The following PTPRN2 variants were observed in gnomAD, a reference collection of about 807,000 sequenced individuals.
The protein encoded by PTPRN2 is receptor-type tyrosine-protein phosphatase N2.
A neutral mutation model predicts 118.8 loss-of-function variants in PTPRN2; 74 were observed. The ratio of observed to expected loss-of-function variants is 0.62; its 90% CI spans 0.52 to 0.76. PTPRN2 has a LOEUF of 0.76. Among genes scored for constraint, PTPRN2 ranks in the 30% least tolerant of loss-of-function variants. PTPRN2 has a pLI of 0.00. For synonymous variants in PTPRN2, 641 were observed against 608.0 expected (o/e 1.05, Z -0.80); for missense variants, 1,481 against 1,394.4 (o/e 1.06, Z -0.99).
At chr7:157,803,297 G>A (rs369821861) in intron 12 of PTPRN2, among the ~76,000 whole-genome samples, 6 of 152,090 alleles carry the variant, frequency 3.9e-5, no homozygotes, top group South Asian at 2.1e-4. Context: ...CTCCTTATCC[G>A]TTATGTGGTA....
chr7:158,395,389 GAGGGGCC>G (rs202093733), intron 2 of PTPRN2, among the ~76,000 whole-genome samples: 4 of 68,788 alleles, frequency 5.8e-5, no homozygotes, highest in Non-Finnish European at 1.1e-4. Context: ...CGCGAGGGGC[GAGGGGCC>G]AGGGGCGAGG....
intron 2 of PTPRN2, among the ~76,000 whole-genome samples, chr7:158,342,879 A>T (rs1482387085): frequency 6.6e-5 from 10 of 151,986 alleles, no homozygotes; most frequent in Non-Finnish European, 1.5e-5. Context: ...TTGAGCCAAG[A>T]TCCAGGAAAT....
chr7:157,625,732 C>A (rs1192245215), intron 14 of PTPRN2, among the ~76,000 whole-genome samples: 1 of 152,030 alleles, frequency 6.6e-6, no homozygotes, highest in African/African-American at 2.4e-5. Flanking sequence ...GGAAAAAAAT[C>A]ATAAAAAAGT....
rs73744893 is a variant in PTPRN2 at position 157,785,009 on chromosome 7, G to A, written c.1789-102072C>T. ...TCTGTCCAGGCGGCTGAGGTCACGC[G>A]GTCTCTTCAGTTTCCATTTTTCCAC... is the stretch of plus-strand genomic sequence containing the variant. On this transcript the variant is annotated intron_variant, in intron 12 of 22. Coordinates refer to ENST00000389418, the MANE Select transcript of PTPRN2 (RefSeq NM_002847.5). This position sits in a 1 kb window ranked among gnomAD's most constrained non-coding sequence, Gnocchi z 7.3. Among the ~76,000 whole-genome samples, 2,757 of 152,226 alleles carry A rather than the reference G, an allele frequency of 0.018. 83 individuals carry two copies. Among genetic ancestry groups the A allele is most frequent in the African/African-American group, 0.062 (2,565 of 41,520 alleles).
At chr7:158,281,029 C>T (rs1799390533) in intron 3 of PTPRN2, among the ~76,000 whole-genome samples, 1 of 152,214 alleles carries the variant, frequency 6.6e-6, no homozygotes, top group African/African-American at 2.4e-5. Flanking sequence ...GAGGGCTGGG[C>T]GCAGTGGCTC....
rs192111500 is a variant in PTPRN2, at chr7:157,808,993, C to A, written c.1788+89680G>T. ...CTTTATTTTAATGCACACGTTCAGT[C>A]CCTGCAGCACCTCCCGAAGTGTGCT... On this transcript the variant is annotated intron_variant, in intron 12 of 22. Transcript: ENST00000389418. The surrounding 1 kb of genome is among the most constrained non-coding windows in gnomAD (Gnocchi z 5.0). Among the ~76,000 whole-genome samples, 281 of 152,146 alleles carry A rather than the reference C, an allele frequency of 1.8e-3. 2 individuals carry two copies. The highest frequency in any genetic ancestry group is 5.9e-3 in the African/African-American group (245 of 41,498).
intron 2 of PTPRN2, among the ~76,000 whole-genome samples, chr7:158,326,649 CAT>C (rs1803557382): frequency 3.8e-5 from 1 of 26,652 alleles, no homozygotes; most frequent in African/African-American, 8.8e-5. Context: ...CGTTTTCACA[CAT>C]GCTCACACTC....
rs1805452914 is a variant in PTPRN2 at position 158,003,740 on chromosome 7, G to A, written c.1723+77558C>T. On this transcript the variant is annotated intron_variant, in intron 11 of 22. Coordinates refer to ENST00000389418, the MANE Select transcript of PTPRN2 (RefSeq NM_002847.5). This position sits in a 1 kb window ranked among gnomAD's most constrained non-coding sequence, Gnocchi z 5.0. ...CAGCCCTGCGGTTGGCGGGATCCAG[G>A]TTTCTTGGTGGTGGCGAGCTTCTCA... Among the ~76,000 whole-genome samples, 1 of 152,172 alleles carries A rather than the reference G, an allele frequency of 6.6e-6. No individual in the cohort carries two copies.
Position 158,528,215 on chromosome 7 carries a change from G to A in PTPRN2, c.113-38430C>T, listed in dbSNP as rs548151812. 6.0e-4 allele frequency among the ~76,000 whole-genome samples: 92 copies of A among 152,338 alleles called. 1 individual carries two copies. The highest frequency in any genetic ancestry group is 3.9e-4 in the East Asian group (2 of 5,182). On this transcript the variant is annotated intron_variant, in intron 1 of 22. Transcript: ENST00000389418. ...GCATCAGCCTAAACAAGAGGCTCCC[G>A]AGAAGGTGCACTCATACAGTGTGGT...
chr7:158,486,765 T>C (rs1563348266), intron 2 of PTPRN2, among the ~76,000 whole-genome samples: 1 of 152,220 alleles, frequency 6.6e-6, no homozygotes, highest in African/African-American at 2.4e-5. Context: ...CAATTGCATA[T>C]TGTGGTAAAA....
intron 3 of PTPRN2, among the ~76,000 whole-genome samples, chr7:158,292,627 C>A (rs759758665): frequency 1.2e-4 from 18 of 152,366 alleles, no homozygotes; most frequent in Non-Finnish European, 2.5e-4. Context: ...CCGCCACACA[C>A]CTGGGCTGGA....
chr7:158,413,906 G>A (rs1301840265), intron 2 of PTPRN2, among the ~76,000 whole-genome samples: 7 of 152,110 alleles, frequency 4.6e-5, no homozygotes, highest in African/African-American at 9.7e-5. Context: ...TTGGGAGGCC[G>A]AGGCAGGTGA....
At chr7:158,224,058 C>T (rs1367328155) in intron 3 of PTPRN2, among the ~76,000 whole-genome samples, 2 of 152,108 alleles carry the variant, frequency 1.3e-5, no homozygotes, top group Non-Finnish European at 2.9e-5. Context: ...TAACAAACCA[C>T]GTACAGGACC....
intron 5 of PTPRN2, among the ~76,000 whole-genome samples, chr7:158,168,691 A>G (rs2150599142): frequency 6.6e-6 from 1 of 152,296 alleles, no homozygotes. Flanking sequence ...TTACTAGTCA[A>G]TGCCCTGGCT....
At chr7:157,541,441 A>C (rs893652375) in intron 22 of PTPRN2, among the ~76,000 whole-genome samples, 6 of 152,274 alleles carry the variant, frequency 3.9e-5, no homozygotes, top group Admixed American at 3.9e-4. Flanking sequence ...TGCCGAGAGC[A>C]TCCAGTGGGC....
intron 2 of PTPRN2, among the ~76,000 whole-genome samples, chr7:158,396,752 CCACCTGCACA>C (rs764670558): frequency 2.0e-5 from 3 of 152,226 alleles, no homozygotes; most frequent in Non-Finnish European, 2.9e-5. Flanking sequence ...CAAGCCGCCT[CCACCTGCACA>C]CACCAGCGGT....
At chr7:158,273,398 A>AGGAGCCGCAGACAGACG (rs1563072451) in intron 3 of PTPRN2, among the ~76,000 whole-genome samples, 2 of 141,122 alleles carry the variant, frequency 1.4e-5, no homozygotes, top group African/African-American at 5.9e-5. Context: ...GGATGCAGAC[A>AGGAGCCGCAGACAGACG]CGGGAGGAGC....
intron 2 of PTPRN2, among the ~76,000 whole-genome samples, chr7:158,420,806 T>C (rs1168028077): frequency 6.6e-6 from 1 of 152,184 alleles, no homozygotes; most frequent in Non-Finnish European, 1.5e-5. Flanking sequence ...GTAAGCAGCA[T>C]GTCTTCCATG....
chr7:158,019,109 T>C (rs71543628), intron 11 of PTPRN2, among the ~76,000 whole-genome samples: 2,765 of 152,008 alleles, frequency 0.018, 37 homozygotes, highest in Non-Finnish European at 0.028. Flanking sequence ...TGGGTCTGGA[T>C]CCCCCACGGA....
Sources: allele counts gnomAD v4.1 joint callset (sites outside exome capture counted in the v4.1 genomes callset), GRCh38; gene constraint gnomAD v4.1.1; non-coding constraint Gnocchi (gnomAD v3.1); transcripts MANE v1.5; gene names NCBI Gene and HGNC (gene_info 2026-07-23, HGNC 2026-07-21).